The following DPH1 variants were observed in gnomAD, a reference collection of about 807,000 sequenced individuals.
DPH1 encodes diphthamide biosynthesis 1, also known as 2-(3-amino-3-carboxypropyl)histidine synthase subunit 1.
Under a neutral mutation model 55.3 loss-of-function variants are expected in DPH1, and 59 were observed. The observed-to-expected ratio is 1.07, with a 90% CI of 0.87 to 1.33. The LOEUF (loss-of-function observed/expected upper bound fraction) is 1.33. DPH1 is among the 40% of genes most tolerant of loss of function. The pLI is 0.00. For synonymous variants in DPH1, 238 were observed against 235.5 expected, an observed-to-expected ratio of 1.01 and a Z score of -0.10; for missense variants, 628 against 584.8, an observed-to-expected ratio of 1.07 and a Z score of -0.76.
chr17:2,037,143 C>A (rs79957128), intron 6 of DPH1, 187 bp downstream of exon 6: 16,933 of 800,454 alleles, frequency 0.021, 252 homozygotes, highest in Non-Finnish European at 0.026. Flanking sequence ...CTCCACTGCC[C>A]AGTCCATCAT....
rs1049924857 is a variant in DPH1 at position 2,040,596 on chromosome 17, A to T, written c.998A>T (p.Glu333Val). The change falls in exon 9 of 13, where the codon GAG becomes GTG. Residue 333 changes from glutamate to valine, a missense_variant. Physicochemically the swap from Glu to Val is moderately radical, Grantham distance 121 (BLOSUM62 -2). Coordinates refer to ENST00000263083, the MANE Select transcript of DPH1 (RefSeq NM_001383.6). Reference sequence around the variant, plus strand: ...CCCAGCAAGCTTAGCCTACTTCCTGAGGTGGATGTGTGAGTATCTGCCTGG... The same window carrying T: ...CCCAGCAAGCTTAGCCTACTTCCTGTGGTGGATGTGTGAGTATCTGCCTGG... ...IFPSKLSLLP[E>V]VDVWVQVACP... 6.2e-7 allele frequency: 1 copy of T among 1,614,002 alleles called. No homozygotes were observed. Among genetic ancestry groups the T allele is most frequent in the African/African-American group, 1.3e-5 (1 of 74,916 alleles).
chr17:2,040,997 AG>A, intron 9 of DPH1, 105 bp from the exon 10 acceptor site: 5 of 1,083,188 alleles, frequency 4.6e-6, no homozygotes, highest in Non-Finnish European at 6.9e-6. Context: ...GGATTCATAA[AG>A]CCTGTTAATG....
rs1371582931 is a variant in DPH1 at position 2,036,795 on chromosome 17, G to A, written c.559-40G>A. 1 of 1,609,698 alleles carries A rather than the reference G, an allele frequency of 6.2e-7. No individual in the cohort carries two copies. The highest frequency in any genetic ancestry group is 1.7e-4 in the Middle Eastern group (1 of 6,046). On this transcript the variant is annotated intron_variant, in intron 5 of 12. Coordinates refer to ENST00000263083, the MANE Select transcript of DPH1 (RefSeq NM_001383.6). This position sits in a 1 kb window ranked among gnomAD's most constrained non-coding sequence, Gnocchi z 4.8. ...GCTGTTTCTCAGCCCTGGCTCTCCT[G>A]CCCCAGCCGCTGGCTTCACTTCCCT...
chr17:2,042,542 A>G (rs921958584), intron 12 of DPH1, 63 bp from the exon 13 acceptor site: 29 of 1,457,194 alleles, frequency 2.0e-5, no homozygotes, highest in Non-Finnish European at 2.6e-5. Context: ...GCCCTTTCTC[A>G]TTTCTTTCCT....
At position 2,041,496 on chromosome 17, in the gene DPH1, A is replaced by AG. The variant is rs761436413; in HGVS notation, c.1105dup (p.Asp369GlyfsTer244). 1 of 1,609,790 alleles carries AG rather than the reference A, an allele frequency of 6.2e-7. No individual in the cohort carries two copies. The highest frequency in any genetic ancestry group is 1.3e-5 in the African/African-American group (1 of 74,574). ...CCTCCCCTAGGCGGCCGTGGCTCTG[A>AG]GGGACATTTCCTGGCAGCAGCCCTA... On this transcript the variant is annotated frameshift_variant, in exon 11 of 13. Transcript: ENST00000263083. LOFTEE classifies it high-confidence loss of function.
chr17:2,036,598 C>A lies in DPH1; in HGVS notation c.470C>A (p.Thr157Lys). Reference protein sequence around the residue: ...YVFVDIRIDTTHLLDSLRLTF... With the variant: ...YVFVDIRIDTKHLLDSLRLTF... ...TTTGTGGACATCCGGATAGACACTACACACCTCCTGGACTCTCTCCGCCTC... is the reference window on the plus strand; with the variant it reads ...TTTGTGGACATCCGGATAGACACTAAACACCTCCTGGACTCTCTCCGCCTC... The change falls in exon 5 of 13, where the codon ACA (threonine) becomes AAA (lysine). Residue 157 changes from threonine (T) to lysine (K), a missense_variant. Coordinates refer to ENST00000263083, the MANE Select transcript of DPH1 (RefSeq NM_001383.6). The surrounding 1 kb of genome is among the most constrained non-coding windows in gnomAD (Gnocchi z 4.8). 1 of 1,614,134 alleles carries A rather than the reference C, an allele frequency of 6.2e-7. No individual in the cohort carries two copies. Among genetic ancestry groups the A allele is most frequent in the Non-Finnish European group, 8.5e-7 (1 of 1,180,014 alleles).
chr17:2,041,785 G>A lies in DPH1; in HGVS notation c.1245G>A (p.Ala415=), dbSNP rs752471450. The part of the protein sequence containing the change: ...PARGKVQEGS[A]RPPSAVACED... The stretch of plus-strand genomic sequence containing the variant: ...GACCTCAGGTGCAGGAGGGGTCCGC[G>A]CGTCCCCCTTCGGCCGTGGCTTGCG... Residue 415 remains alanine, a synonymous_variant, in exon 12 of 13, where the codon GCG becomes GCA. Coordinates refer to ENST00000263083, the MANE Select transcript of DPH1 (RefSeq NM_001383.6). 5.6e-6 allele frequency: 9 copies of A among 1,605,878 alleles called. No homozygotes were observed. The East Asian group carries it at 1.3e-4, about 24-fold the overall frequency.
rs200118205 is a variant in DPH1, at chr17:2,036,865, C to G, written c.589C>G (p.Arg197Gly). 37 of 1,613,690 alleles carry G rather than the reference C, an allele frequency of 2.3e-5. No individual in the cohort carries two copies. Among genetic ancestry groups the G allele is most frequent in the Non-Finnish European group, 3.1e-5 (37 of 1,179,972 alleles). Residue 197 changes from arginine (R) to glycine (G), a missense_variant, in exon 6 of 13, where the codon CGT (arginine) becomes GGT (glycine). Arg to Gly is a moderately radical substitution (Grantham distance 125). Transcript: ENST00000263083. This position sits in a 1 kb window ranked among gnomAD's most constrained non-coding sequence, Gnocchi z 4.8. ...AAAQELKAEY[R>G]VSVPQCKPLS... ...CGCCCAGGAGCTGAAAGCCGAGTAT[C>G]GTGTGAGTGTCCCACAGTGCAAGCC...
At chr17:2,033,482 C>A in intron 1 of DPH1, 23 bp from the exon 2 acceptor site, 1 of 1,613,704 alleles carries the variant, frequency 6.2e-7, no homozygotes, top group Non-Finnish European at 8.5e-7. Flanking sequence ...CAGACACCAA[C>A]TCAGGCCTTA....
chr17:2,030,234 G>T lies in DPH1; in HGVS notation c.61+4G>T. 2.5e-6 allele frequency: 4 copies of T among 1,577,890 alleles called. No homozygotes were observed. Among genetic ancestry groups the T allele is most frequent in the Non-Finnish European group, 3.4e-6 (4 of 1,162,312 alleles). On this transcript the variant is annotated splice_donor_region_variant and intron_variant, in intron 1 of 12. Transcript: ENST00000263083. ...GGCCGAGACGGCCCTGGCAGAGGTG[G>T]GTGCTGGAACGCTGCGCCCTCCAGA... is the stretch of plus-strand genomic sequence containing the variant.
Position 2,039,809 on chromosome 17 carries a change from T to C in DPH1, c.735T>C (p.Asn245=), listed in dbSNP as rs1567547034. The change falls in exon 7 of 13, where the codon AAT becomes AAC. Residue 245 remains asparagine, a synonymous_variant. Coordinates refer to ENST00000263083, the MANE Select transcript of DPH1 (RefSeq NM_001383.6). ...HLESVMIANP[N]VPAYRYDPYS... is the part of the protein sequence containing the mutation. ...AGTCTGTCATGATTGCCAACCCCAA[T>C]GTCCCCGCTTACCGGTATGGGCTGG... The C allele has an allele frequency of 1.2e-6, 2 of 1,613,992 alleles. No individual in the cohort carries two copies. The highest frequency in any genetic ancestry group is 1.7e-5 in the Admixed American group (1 of 60,008).
intron 1 of DPH1, 33 bp from the exon 2 acceptor site, chr17:2,033,472 C>T (rs1008568994): frequency 3.1e-6 from 5 of 1,613,410 alleles, no homozygotes; most frequent in African/African-American, 1.3e-5. Flanking sequence ...CAGCCAAAGA[C>T]AGACACCAAC....
rs755455275 is a variant in DPH1, at chr17:2,040,532, G to A, written c.934G>A (p.Gly312Ser). The A allele has an allele frequency of 1.2e-5, 20 of 1,614,058 alleles. 1 individual carries two copies. In the South Asian group the frequency reaches 2.1e-4, roughly 17 times the overall value. Residue 312 changes from glycine to serine, a missense_variant, in exon 9 of 13, where the codon GGC becomes AGC. Transcript: ENST00000263083. The part of the protein sequence containing the change: ...EHLESRLRAL[G>S]LSFVRLLLSE... Reference sequence around the variant, plus strand: ...CCTGGAATCTCGACTCCGAGCCTTGGGCCTTTCCTTTGTGAGGCTGCTGCT... The same window carrying A: ...CCTGGAATCTCGACTCCGAGCCTTGAGCCTTTCCTTTGTGAGGCTGCTGCT...
At position 2,042,614 on chromosome 17, in the gene DPH1, C is replaced by T. The variant is rs766820542; in HGVS notation, c.*28C>T. On this transcript the variant is annotated 3_prime_UTR_variant, in exon 13 of 13. Coordinates refer to ENST00000263083, the MANE Select transcript of DPH1 (RefSeq NM_001383.6). ...CCTCATATCGCTGTAGGGTCCTGCC[C>T]TCCGGAGGAGCAGCCTCGAGGCTGG... 16 of 1,519,956 alleles carry T rather than the reference C, an allele frequency of 1.1e-5. No homozygotes were observed. The highest frequency in any genetic ancestry group is 1.4e-5 in the Non-Finnish European group (16 of 1,137,258). The allele number at this position is 1,519,956 out of a possible 1,614,324, so 94.2% of individuals were successfully genotyped here. A position where few individuals can be genotyped will look rare whatever the true frequency, so the allele number is the denominator to read the frequency against.
intron 3 of DPH1, among the ~76,000 whole-genome samples, 172 bp from the exon 4 acceptor site, chr17:2,035,798 G>A (rs548796302): frequency 1.3e-5 from 2 of 152,184 alleles, no homozygotes; most frequent in South Asian, 2.1e-4. Flanking sequence ...TGGGGCAGGC[G>A]GCAGCTGTGC....
At position 2,036,505 on chromosome 17, in the gene DPH1, C is replaced by G. The variant is rs752218713; in HGVS notation, c.401-24C>G. The G allele has an allele frequency of 3.3e-5, 53 of 1,612,202 alleles. 1 individual carries two copies. The East Asian group carries it at 1.2e-3, about 36-fold the overall frequency. ...CTGCTGCTCCTGCCTTCCCAAACAG[C>G]CCCTGAACTCCTCCCTCCCACAGTT... On this transcript the variant is annotated intron_variant, in intron 4 of 12. Coordinates refer to ENST00000263083, the MANE Select transcript of DPH1 (RefSeq NM_001383.6). This position sits in a 1 kb window ranked among gnomAD's most constrained non-coding sequence, Gnocchi z 4.8.
In DPH1 at chr17:2,041,866, C is replaced by CG. The variant is rs1567549156; in HGVS notation, c.*12dup. 1.3e-6 allele frequency: 2 copies of CG among 1,584,504 alleles called. No homozygotes were observed. Among genetic ancestry groups the CG allele is most frequent in the Admixed American group, 1.8e-5 (1 of 56,388 alleles). ...CGCCGCTGGCTCCTTGACGCGCTCC[C>CG]GGGCCTCAGGTATCAGCCCCCGCTC... is the stretch of plus-strand genomic sequence containing the variant. On this transcript the variant is annotated 3_prime_UTR_variant, in exon 12 of 13. Coordinates refer to ENST00000263083, the MANE Select transcript of DPH1 (RefSeq NM_001383.6).
chr17:2,041,116 G>T lies in DPH1; in HGVS notation c.1021G>T (p.Ala341Ser). 7 of 1,602,486 alleles carry T rather than the reference G, an allele frequency of 4.4e-6. No individual in the cohort carries two copies. Among genetic ancestry groups the T allele is most frequent in the African/African-American group, 1.3e-5 (1 of 74,910 alleles). ...LPEVDVWVQV[A>S]CPRLSIDWGT... ...TTCCCTTCCCAGGTGGGTGCAGGTGGCATGTCCACGTCTCTCCATTGACTG... is the reference window on the plus strand; with the variant it reads ...TTCCCTTCCCAGGTGGGTGCAGGTGTCATGTCCACGTCTCTCCATTGACTG... Residue 341 changes from alanine (A) to serine (S), a missense_variant, in exon 10 of 13, where the codon GCA becomes TCA. Transcript: ENST00000263083.
At chr17:2,034,468 A>G (rs1420056939) in intron 3 of DPH1, among the ~76,000 whole-genome samples, 2 of 78,738 alleles carry the variant, frequency 2.5e-5, no homozygotes, top group East Asian at 7.7e-4. Flanking sequence ...CTGCTGCCCC[A>G]TCGCCCTCCC....
Sources: allele counts gnomAD v4.1 joint callset (sites outside exome capture counted in the v4.1 genomes callset), GRCh38; gene constraint gnomAD v4.1.1; non-coding constraint Gnocchi (gnomAD v3.1); transcripts MANE v1.5; gene names NCBI Gene and HGNC (gene_info 2026-07-23, HGNC 2026-07-21).